The following CADM2 variants were observed in gnomAD, a reference collection of about 807,000 sequenced individuals.
The protein encoded by CADM2 is immunoglobulin superfamily member 4D.
A neutral mutation model predicts 49.8 loss-of-function variants in CADM2; 12 were observed. The ratio of observed to expected loss-of-function variants is 0.24; its 90% CI spans 0.15 to 0.39. The LOEUF is 0.39. Among genes scored for constraint, CADM2 ranks in the 10% least tolerant of loss-of-function variants. The pLI, the probability that CADM2 is intolerant of heterozygous loss-of-function variation, is 1.00. For synonymous variants in CADM2, 214 were observed against 175.4 expected, an observed-to-expected ratio of 1.22 and a Z score of -1.74; for missense variants, 378 against 492.3, an observed-to-expected ratio of 0.77 and a Z score of 2.20.
chr3:85,562,368 C>G (rs1409605032), intron 1 of CADM2, among the ~76,000 whole-genome samples: 1 of 151,188 alleles, frequency 6.6e-6, no homozygotes, highest in Non-Finnish European at 1.5e-5. Flanking sequence ...ATCCCAGCTA[C>G]TCGGGAGGCT....
intron 1 of CADM2, among the ~76,000 whole-genome samples, chr3:85,357,564 C>G (rs1239849558): frequency 6.6e-6 from 1 of 151,944 alleles, no homozygotes; most frequent in African/African-American, 2.4e-5. Context: ...CCACATTTTA[C>G]AGATAGAAAA....
At chr3:85,047,821 T>C (rs2035725164) in intron 1 of CADM2, among the ~76,000 whole-genome samples, 2 of 152,124 alleles carry the variant, frequency 1.3e-5, no homozygotes, top group Non-Finnish European at 2.9e-5. Context: ...GACATACAAA[T>C]TGAATTTTGA....
In CADM2 at chr3:85,103,863, G is replaced by C. The variant is rs79558502; in HGVS notation, c.61+144195G>C. Among the ~76,000 whole-genome samples the C allele has an allele frequency of 5.7e-3, 862 of 152,224 alleles. 8 individuals are homozygous for C. The highest frequency in any genetic ancestry group is 0.019 in the African/African-American group (808 of 41,562). Reference sequence around the variant, plus strand: ...ACATTGTGTGGCGGAGGAATGTAGTGGGCTAGGATGACATGTAAAGAAATT... The same window carrying C: ...ACATTGTGTGGCGGAGGAATGTAGTCGGCTAGGATGACATGTAAAGAAATT... On this transcript the variant is annotated intron_variant, in intron 1 of 9. Coordinates refer to ENST00000383699, the MANE Select transcript of CADM2 (RefSeq NM_001167675.2).
intron 1 of CADM2, among the ~76,000 whole-genome samples, chr3:85,299,274 G>A (rs968009069): frequency 1.3e-5 from 2 of 151,864 alleles, no homozygotes; most frequent in Non-Finnish European, 2.9e-5. Flanking sequence ...AAGATTAAAA[G>A]CACCTATAAA....
At chr3:85,378,301 G>A (rs911724815) in intron 1 of CADM2, among the ~76,000 whole-genome samples, 13 of 151,930 alleles carry the variant, frequency 8.6e-5, no homozygotes, top group African/African-American at 3.1e-4. Context: ...CTTCCTCAAG[G>A]ACGCAAAATG....
chr3:86,018,158 G>C (rs1349291082), intron 8 of CADM2, among the ~76,000 whole-genome samples: 2 of 126,914 alleles, frequency 1.6e-5, no homozygotes, highest in African/African-American at 3.0e-5. Flanking sequence ...ATAGTTTACT[G>C]AGAATGATGA....
At chr3:85,419,105 C>A (rs1359818096) in intron 1 of CADM2, among the ~76,000 whole-genome samples, 1 of 152,072 alleles carries the variant, frequency 6.6e-6, no homozygotes, top group Non-Finnish European at 1.5e-5. Context: ...CCAGACTGGT[C>A]TAACTCATTT....
intron 8 of CADM2, among the ~76,000 whole-genome samples, chr3:86,008,159 G>A (rs1003704101): frequency 6.6e-6 from 1 of 152,088 alleles, no homozygotes. Flanking sequence ...TATTCTAAAG[G>A]ATAGTATTGC....
chr3:85,353,140 A>G (rs1359958970), intron 1 of CADM2, among the ~76,000 whole-genome samples: 3 of 152,000 alleles, frequency 2.0e-5, no homozygotes, highest in African/African-American at 7.2e-5. Flanking sequence ...TTATTTTTTT[A>G]TGCCTTGAAA....
intron 1 of CADM2, among the ~76,000 whole-genome samples, chr3:85,424,636 C>T (rs1322657320): frequency 6.6e-6 from 1 of 152,060 alleles, no homozygotes; most frequent in Non-Finnish European, 1.5e-5. Context: ...ATGCAAACAG[C>T]AAAATTTGCT....
intron 7 of CADM2, among the ~76,000 whole-genome samples, chr3:85,959,651 A>G (rs1384072784): frequency 6.6e-6 from 1 of 151,898 alleles, no homozygotes; most frequent in Non-Finnish European, 1.5e-5. Context: ...TGCACCATAT[A>G]TAGGATAGTG....
chr3:85,288,558 T>A (rs1391505376), intron 1 of CADM2, among the ~76,000 whole-genome samples: 2 of 152,150 alleles, frequency 1.3e-5, no homozygotes, highest in African/African-American at 4.8e-5. Flanking sequence ...TTAGGCATAA[T>A]GCTCTGCAGA....
chr3:85,760,340 T>TC (rs954980176), intron 2 of CADM2, among the ~76,000 whole-genome samples: 3 of 52,210 alleles, frequency 5.7e-5, no homozygotes, highest in African/African-American at 1.5e-4. Context: ...TGGATACTTC[T>TC]TTTTTTTTTT....
chr3:85,594,745 A>G (rs2063197026), intron 1 of CADM2, among the ~76,000 whole-genome samples: 1 of 151,996 alleles, frequency 6.6e-6, no homozygotes, highest in South Asian at 2.1e-4. Context: ...TAAGTCTACT[A>G]TATTTAAAAA....
intron 8 of CADM2, among the ~76,000 whole-genome samples, chr3:86,021,826 G>T (rs1577977760): frequency 1.3e-5 from 2 of 152,246 alleles, no homozygotes; most frequent in Non-Finnish European, 2.9e-5. Context: ...AGTGGCAGGG[G>T]ATAGGGAAAG....
intron 1 of CADM2, among the ~76,000 whole-genome samples, chr3:85,044,681 A>G (rs1268433955): frequency 1.3e-5 from 2 of 152,294 alleles, no homozygotes; most frequent in South Asian, 4.1e-4. Flanking sequence ...TGGTTCCAGG[A>G]AAGTCAGTTG....
chr3:85,412,912 C>T (rs192611888), intron 1 of CADM2, among the ~76,000 whole-genome samples: 6 of 151,298 alleles, frequency 4.0e-5, no homozygotes, highest in African/African-American at 9.7e-5. Flanking sequence ...GAGGCCGAGG[C>T]GGGCGGATCA....
intron 1 of CADM2, among the ~76,000 whole-genome samples, chr3:85,699,444 G>A (rs1485814456): frequency 6.6e-6 from 1 of 152,212 alleles, no homozygotes. Flanking sequence ...CTTCTGCTTA[G>A]ACATTTAGGC....
chr3:85,524,029 T>A (rs914047872), intron 1 of CADM2, among the ~76,000 whole-genome samples: 5 of 152,136 alleles, frequency 3.3e-5, no homozygotes, highest in Admixed American at 1.3e-4. Flanking sequence ...TGCTTCCAAG[T>A]TATAAGGAAA....
Sources: gnomAD v4.1 joint callset for allele counts (sites outside exome capture counted in the v4.1 genomes callset) on GRCh38, gnomAD v4.1.1 for gene constraint, MANE v1.5 for transcripts, NCBI Gene and HGNC (gene_info 2026-07-23, HGNC 2026-07-21) for gene names.